The following BCAS4 variants were observed in gnomAD, a reference collection of about 807,000 sequenced individuals.
BCAS4 encodes the protein breast carcinoma amplified sequence 4, also known as breast carcinoma-amplified sequence 4.
BCAS4 carries 9 observed loss-of-function variants against 15.7 expected under a neutral mutation model. The observed-to-expected ratio is 0.57, with a 90% confidence interval of 0.34 to 1.00. The LOEUF (loss-of-function observed/expected upper bound fraction) is 1.00, where lower values mean the gene tolerates loss of function less well. BCAS4 is among the 50% of genes least tolerant of loss of function. The pLI, the probability that BCAS4 is intolerant of heterozygous loss-of-function variation, is 0.02. For synonymous variants in BCAS4, 101 were observed against 99.5 expected (o/e 1.02, Z -0.09); for missense variants, 225 against 239.1 (o/e 0.94, Z 0.39).
intron 3 of BCAS4, among the ~76,000 whole-genome samples, chr20:50,840,081 C>T (rs1336187549): frequency 2.0e-5 from 3 of 151,346 alleles, no homozygotes; most frequent in Non-Finnish European, 2.9e-5. Context: ...TACCATGTTG[C>T]CCAGGCTGGT....
chr20:50,855,673 C>T (rs1382901082), intron 4 of BCAS4, among the ~76,000 whole-genome samples: 1 of 152,034 alleles, frequency 6.6e-6, no homozygotes, highest in Admixed American at 6.6e-5. Context: ...GGGCCGTGGG[C>T]ACCCATTGCC....
At chr20:50,840,569 G>C (rs1304098326) in intron 3 of BCAS4, 4 of 1,532,532 alleles carry the variant, frequency 2.6e-6, no homozygotes, top group Non-Finnish European at 2.7e-6. Flanking sequence ...AAATAAGAAG[G>C]CAATGCTTGT....
chr20:50,840,774 G>A, intron 3 of BCAS4: 1 of 1,562,218 alleles, frequency 6.4e-7, no homozygotes, highest in Non-Finnish European at 8.8e-7. Context: ...AGCGGAGCGA[G>A]GCACGCGAGA....
chr20:50,816,101 C>G (rs2088133660), intron 1 of BCAS4, among the ~76,000 whole-genome samples: 1 of 140,236 alleles, frequency 7.1e-6, no homozygotes, highest in Non-Finnish European at 1.6e-5. Flanking sequence ...TCTTGGCTCA[C>G]CGCAACCTCC....
chr20:50,848,772 C>A (rs943066426), intron 4 of BCAS4, among the ~76,000 whole-genome samples: 1 of 152,228 alleles, frequency 6.6e-6, no homozygotes, highest in Non-Finnish European at 1.5e-5. Context: ...ATGTTTCCTC[C>A]CCTGGAAATA....
At chr20:50,815,593 C>T (rs998843075) in intron 1 of BCAS4, among the ~76,000 whole-genome samples, 10 of 152,086 alleles carry the variant, frequency 6.6e-5, no homozygotes, top group Non-Finnish European at 1.2e-4. Context: ...TCTTTTTCCC[C>T]GTCTTCTCTC....
At chr20:50,850,103 C>T (rs970744776) in intron 4 of BCAS4, among the ~76,000 whole-genome samples, 1 of 152,170 alleles carries the variant, frequency 6.6e-6, no homozygotes, top group African/African-American at 2.4e-5. Flanking sequence ...AGAAGTAGAG[C>T]GGCATCTTCT....
downstream of BCAS4, chr20:50,878,237 T>G (rs1980036104): frequency 6.6e-6 from 1 of 152,076 alleles, no homozygotes; most frequent in South Asian, 2.1e-4. Flanking sequence ...TGGCATGATC[T>G]CAGCTCACTG....
intron 2 of BCAS4, among the ~76,000 whole-genome samples, chr20:50,828,409 G>C (rs565906176): frequency 1.3e-5 from 2 of 152,102 alleles, no homozygotes; most frequent in African/African-American, 2.4e-5. Flanking sequence ...AGATTTTCAC[G>C]ATAACCACAA....
chr20:50,881,921 A>G (rs1980123657), downstream of BCAS4: 1 of 152,238 alleles, frequency 6.6e-6, no homozygotes, highest in African/African-American at 2.4e-5. Flanking sequence ...TCAGCCTCCT[A>G]AAGTGCTGGA....
chr20:50,830,711 G>C (rs753502261), intron 3 of BCAS4, among the ~76,000 whole-genome samples: 56 of 152,170 alleles, frequency 3.7e-4, no homozygotes, highest in Non-Finnish European at 7.1e-4. Flanking sequence ...CTAGTCAGGT[G>C]TTGTGGTGCA....
At chr20:50,875,212 A>G (rs572708926) in intron 4 of BCAS4, among the ~76,000 whole-genome samples, 1 of 152,320 alleles carries the variant, frequency 6.6e-6, no homozygotes, top group Non-Finnish European at 1.5e-5. Flanking sequence ...ATTCCAGCGC[A>G]TGGCCAGGTT....
At chr20:50,857,226 G>A (rs544167977) in intron 4 of BCAS4, among the ~76,000 whole-genome samples, 1 of 152,290 alleles carries the variant, frequency 6.6e-6, no homozygotes, top group South Asian at 2.1e-4. Context: ...GGGCCTCCCG[G>A]GTTCAAGCAA....
chr20:50,842,481 A>T (rs2088496955), intron 4 of BCAS4, among the ~76,000 whole-genome samples: 1 of 101,754 alleles, frequency 9.8e-6, no homozygotes, highest in Non-Finnish European at 2.0e-5. Context: ...CAGTGGCGTG[A>T]TCTCAGCTCA....
At chr20:50,874,251 C>T (rs964744866) in intron 4 of BCAS4, among the ~76,000 whole-genome samples, 1 of 152,182 alleles carries the variant, frequency 6.6e-6, no homozygotes. Context: ...CTGGCTTCCT[C>T]CCTGTCTACG....
At chr20:50,868,373 C>T (rs1979461573) in intron 4 of BCAS4, among the ~76,000 whole-genome samples, 1 of 152,178 alleles carries the variant, frequency 6.6e-6, no homozygotes. Context: ...GTATCTTCTC[C>T]TTGTCTGCTT....
intron 3 of BCAS4, among the ~76,000 whole-genome samples, chr20:50,837,524 C>A (rs2088424184): frequency 6.6e-6 from 1 of 152,184 alleles, no homozygotes; most frequent in Non-Finnish European, 1.5e-5. Flanking sequence ...AGTAGTATAT[C>A]TTTATTGAAG....
intron 1 of BCAS4, among the ~76,000 whole-genome samples, chr20:50,796,472 TATA>T (rs2087860542): frequency 7.7e-5 from 1 of 12,928 alleles, no homozygotes; most frequent in African/African-American, 3.1e-4. Context: ...TATATATATA[TATA>T]TATATATATA....
At chr20:50,816,012 G>C (rs1474127992) in intron 1 of BCAS4, among the ~76,000 whole-genome samples, 1 of 151,774 alleles carries the variant, frequency 6.6e-6, no homozygotes, top group Non-Finnish European at 1.5e-5. Context: ...ACTTGAGGGG[G>C]AAAAAAAACC....
Sources: gnomAD v4.1 joint callset for allele counts (sites outside exome capture counted in the v4.1 genomes callset) on GRCh38, gnomAD v4.1.1 for gene constraint, MANE v1.5 for transcripts, NCBI Gene and HGNC (gene_info 2026-07-23, HGNC 2026-07-21) for gene names.